Variants in BMP6 observed in about 807,000 individuals in gnomAD.
The protein encoded by BMP6 is VG-1-R.
BMP6 carries 17 observed loss-of-function variants against 54.1 expected under a neutral mutation model. The observed-to-expected ratio is 0.31, with a 90% CI of 0.22 to 0.47. The LOEUF (loss-of-function observed/expected upper bound fraction) is 0.47, where lower values mean the gene tolerates loss of function less well. BMP6 is among the 20% of genes least tolerant of loss of function. The probability of loss-of-function intolerance (pLI) is 1.00; values close to 1 mark genes in which losing one functional copy is unlikely to be tolerated. For synonymous variants in BMP6, 328 were observed against 291.2 expected (o/e 1.13, Z -1.28); for missense variants, 720 against 690.4 (o/e 1.04, Z -0.48).
At chr6:7,872,984 A>G (rs530676869) in intron 4 of BMP6, among the ~76,000 whole-genome samples, 251 of 151,818 alleles carry the variant, frequency 1.7e-3, no homozygotes, top group African/African-American at 5.9e-3. Context: ...AGCTAATTTT[A>G]TATCTTGTAG....
At chr6:7,812,610 C>T (rs758849881) in intron 1 of BMP6, among the ~76,000 whole-genome samples, 4 of 152,124 alleles carry the variant, frequency 2.6e-5, no homozygotes, top group African/African-American at 4.8e-5. Flanking sequence ...CATTAACCCT[C>T]TGGTATATTT....
At chr6:7,817,909 CTG>C (rs1561781664) in intron 1 of BMP6, among the ~76,000 whole-genome samples, 1 of 152,142 alleles carries the variant, frequency 6.6e-6, no homozygotes, top group Non-Finnish European at 1.5e-5. Flanking sequence ...AGTGAGAAAA[CTG>C]AGGTTTGTGG....
In BMP6 at chr6:7,846,970, G is replaced by T. The variant is rs1759075260; in HGVS notation, c.857+1638G>T. ...TCCGTCCTGCAGGAAAACCTTTACAGTGAAAACCCTAGGCTGGGAGTTAAG... is the reference window on the plus strand; with the variant it reads ...TCCGTCCTGCAGGAAAACCTTTACATTGAAAACCCTAGGCTGGGAGTTAAG... On this transcript the variant is annotated intron_variant, in intron 2 of 6. Transcript: ENST00000283147. Among the ~76,000 whole-genome samples the T allele has an allele frequency of 1.3e-5, 2 of 152,126 alleles. 1 individual carries two copies. Among genetic ancestry groups the T allele is most frequent in the South Asian group, 4.1e-4 (2 of 4,822 alleles).
chr6:7,830,908 C>T (rs1280292608), intron 1 of BMP6, among the ~76,000 whole-genome samples: 2 of 152,158 alleles, frequency 1.3e-5, no homozygotes, highest in Non-Finnish European at 2.9e-5. Context: ...GGTGGGGACA[C>T]AGCCAAACCT....
At chr6:7,871,757 G>A (rs2113289213) in intron 4 of BMP6, among the ~76,000 whole-genome samples, 1 of 152,340 alleles carries the variant, frequency 6.6e-6, no homozygotes, top group African/African-American at 2.4e-5. Flanking sequence ...GGGGTCCCAA[G>A]ACAGACTTTG....
intron 1 of BMP6, among the ~76,000 whole-genome samples, chr6:7,762,785 T>C (rs270377): frequency 0.48 from 72,656 of 152,152 alleles, 18,204 homozygotes; most frequent in Non-Finnish European, 0.56. Flanking sequence ...TATCAACATA[T>C]TGATTTTCTG....
At chr6:7,839,930 A>G (rs1261426626) in intron 1 of BMP6, among the ~76,000 whole-genome samples, 1 of 152,236 alleles carries the variant, frequency 6.6e-6, no homozygotes, top group African/African-American at 2.4e-5. Context: ...GCAAAGCACA[A>G]GGGTTCTAGT....
At chr6:7,842,055 G>T (rs1256745201) in intron 1 of BMP6, among the ~76,000 whole-genome samples, 1 of 152,010 alleles carries the variant, frequency 6.6e-6, no homozygotes, top group Admixed American at 6.6e-5. Flanking sequence ...CCCCTTCCTG[G>T]CATGGTCAGA....
intron 1 of BMP6, among the ~76,000 whole-genome samples, chr6:7,741,783 G>T (rs1234185109): frequency 1.3e-5 from 2 of 152,242 alleles, no homozygotes; most frequent in African/African-American, 4.8e-5. Context: ...GCTGCATGAG[G>T]CTTCAACGAA....
At chr6:7,810,345 A>G (rs531822426) in intron 1 of BMP6, among the ~76,000 whole-genome samples, 11 of 152,230 alleles carry the variant, frequency 7.2e-5, no homozygotes, top group African/African-American at 2.4e-5. Flanking sequence ...CATCAGTTCA[A>G]TATCTTGAAT....
At chr6:7,732,311 A>T (rs940248071) in intron 1 of BMP6, among the ~76,000 whole-genome samples, 4 of 152,240 alleles carry the variant, frequency 2.6e-5, no homozygotes, top group Admixed American at 6.5e-5. Flanking sequence ...TAAATTTGAA[A>T]TTCAGTGGCA....
intron 2 of BMP6, among the ~76,000 whole-genome samples, chr6:7,851,151 AAAC>A (rs1759135781): frequency 6.6e-6 from 1 of 152,330 alleles, no homozygotes; most frequent in African/African-American, 2.4e-5. Flanking sequence ...CAAAAAATAA[AAAC>A]AAACTTGCTG....
intron 1 of BMP6, among the ~76,000 whole-genome samples, chr6:7,808,137 G>C (rs1036298352): frequency 1.3e-5 from 2 of 151,964 alleles, no homozygotes; most frequent in Non-Finnish European, 2.9e-5. Context: ...AGCCAGGATG[G>C]TCTTGATTTC....
At position 7,808,443 on chromosome 6, in the gene BMP6, G is replaced by A. The variant is rs114721279; in HGVS notation, c.665-36697G>A. On this transcript the variant is annotated intron_variant, in intron 1 of 6. Transcript: ENST00000283147. ...CATTGCAAACTTAACAAAACCAATC[G>A]CCTGACATTTCTGCATTGCACATAA... 5.0e-3 allele frequency among the ~76,000 whole-genome samples: 766 copies of A among 152,196 alleles called. 3 individuals carry two copies. The highest frequency in any genetic ancestry group is 8.1e-3 in the Non-Finnish European group (550 of 68,008).
rs1166863629 is a variant in BMP6, at chr6:7,813,109, ATATATATATATATATAT to A, written c.665-32030_665-32014del. 3.2e-3 allele frequency among the ~76,000 whole-genome samples: 51 copies of A among 15,754 alleles called. 2 individuals carry two copies. The highest frequency in any genetic ancestry group is 4.7e-3 in the South Asian group (1 of 212). The allele number at this position is 15,754 out of a possible 152,430, so 10.3% of individuals were successfully genotyped here. A position where few individuals can be genotyped will look rare whatever the true frequency, so the allele number is the denominator to read the frequency against. On this transcript the variant is annotated intron_variant, in intron 1 of 6. Coordinates refer to ENST00000283147, the MANE Select transcript of BMP6 (RefSeq NM_001718.6). ...TACAAAAAAAAAAAAAAAAAAAAAA[ATATATATATATATATAT>A]ATATATATATATATATATATATAAA...
chr6:7,747,138 G>A (rs1163007165), intron 1 of BMP6, among the ~76,000 whole-genome samples: 2 of 152,212 alleles, frequency 1.3e-5, no homozygotes, highest in Non-Finnish European at 2.9e-5. Context: ...GCAGCCCTGC[G>A]TATGGGAGAT....
intron 1 of BMP6, among the ~76,000 whole-genome samples, chr6:7,727,949 G>T (rs560219379): frequency 6.6e-6 from 1 of 151,896 alleles, no homozygotes; most frequent in Non-Finnish European, 1.5e-5. Context: ...CTTCTGCCCA[G>T]CTCTGGCCAG....
intron 1 of BMP6, among the ~76,000 whole-genome samples, chr6:7,802,906 G>A (rs1280893931): frequency 3.3e-5 from 5 of 152,300 alleles, no homozygotes; most frequent in Non-Finnish European, 4.4e-5. Context: ...TCATTTATTC[G>A]TTCACCGAAT....
chr6:7,778,365 C>G (rs1315225562), intron 1 of BMP6, among the ~76,000 whole-genome samples: 1 of 152,154 alleles, frequency 6.6e-6, no homozygotes, highest in Non-Finnish European at 1.5e-5. Context: ...TTCCTCAATC[C>G]TTGAGGTAGT....
Sources: gnomAD v4.1 joint callset for allele counts (sites outside exome capture counted in the v4.1 genomes callset) on GRCh38, gnomAD v4.1.1 for gene constraint, MANE v1.5 for transcripts, NCBI Gene and HGNC (gene_info 2026-07-23, HGNC 2026-07-21) for gene names.